FHIT: variants seen among roughly 807,000 people sequenced by gnomAD.
The protein encoded by FHIT is bis(5'-adenosyl)-triphosphatase.
Under a neutral mutation model 17.9 loss-of-function variants are expected in FHIT, and 19 were observed. That is an observed-to-expected ratio of 1.06 (90% CI 0.74 to 1.56). The LOEUF (loss-of-function observed/expected upper bound fraction) is 1.56, where lower values mean the gene tolerates loss of function less well. Among genes scored for constraint, FHIT ranks in the 40% most tolerant of loss-of-function variants. FHIT has a pLI of 0.00. For missense variants in FHIT, 248 were observed against 189.2 expected, an observed-to-expected ratio of 1.31 and a Z score of -1.82; for synonymous variants, 81 against 69.7, an observed-to-expected ratio of 1.16 and a Z score of -0.81.
In FHIT at chr3:61,036,901, G is replaced by GTTTTTT. The variant is rs746649804; in HGVS notation, c.-111+5140_-111+5145dup. Among the ~76,000 whole-genome samples the GTTTTTT allele has an allele frequency of 1.0e-3, 73 of 70,270 alleles. 2 individuals carry two copies. Among genetic ancestry groups the GTTTTTT allele is most frequent in the African/African-American group, 1.9e-3 (61 of 31,286 alleles). 46.1% of individuals were successfully genotyped at this position (70,270 alleles called of 152,430 possible). On this transcript the variant is annotated intron_variant, in intron 3 of 9. Transcript: ENST00000492590. ...TTCACCTCAAAGATCAGTCTGCTTTGTTTTTTTTTTTTGTTTGTTTGTTTT... is the reference window on the plus strand; with the variant it reads ...TTCACCTCAAAGATCAGTCTGCTTTGTTTTTTTTTTTTTTTTTTGTTTGTTTGTTTT...
intron 3 of FHIT, among the ~76,000 whole-genome samples, chr3:60,989,840 G>C (rs1320787513): frequency 6.6e-6 from 1 of 152,166 alleles, no homozygotes; most frequent in Admixed American, 6.5e-5. Context: ...ACAGAAGTTT[G>C]CATCTGTGCA....
intron 4 of FHIT, among the ~76,000 whole-genome samples, chr3:60,792,187 G>C (rs1181091439): frequency 6.6e-6 from 1 of 152,190 alleles, no homozygotes; most frequent in African/African-American, 2.4e-5. Context: ...AAATGATTTA[G>C]ACACCGTTTT....
At chr3:60,412,786 T>C (rs1282634532) in intron 5 of FHIT, among the ~76,000 whole-genome samples, 1 of 152,158 alleles carries the variant, frequency 6.6e-6, no homozygotes, top group Non-Finnish European at 1.5e-5. Context: ...GTAATCCCCA[T>C]GTGTCAAAGG....
At chr3:60,005,326 A>G (rs1699884227) in intron 7 of FHIT, among the ~76,000 whole-genome samples, 1 of 147,722 alleles carries the variant, frequency 6.8e-6, no homozygotes, top group East Asian at 2.0e-4. Context: ...AATGATTTGT[A>G]TCTACTTAGG....
At chr3:61,029,384 T>C (rs1264719771) in intron 3 of FHIT, among the ~76,000 whole-genome samples, 1 of 152,220 alleles carries the variant, frequency 6.6e-6, no homozygotes, top group East Asian at 1.9e-4. Context: ...CTAGGTGATG[T>C]TTATTCTGTA....
intron 7 of FHIT, among the ~76,000 whole-genome samples, chr3:59,982,009 C>T (rs1262516571): frequency 6.6e-6 from 1 of 152,030 alleles, no homozygotes; most frequent in African/African-American, 2.4e-5. Flanking sequence ...GTTGACTTCA[C>T]TTCTTTCTGA....
intron 5 of FHIT, among the ~76,000 whole-genome samples, chr3:60,330,783 C>T (rs754147284): frequency 2.6e-5 from 4 of 152,156 alleles, no homozygotes; most frequent in South Asian, 4.1e-4. Context: ...CTGATTTACA[C>T]GTGTTACAAT....
At chr3:60,363,089 A>G (rs1457161504) in intron 5 of FHIT, among the ~76,000 whole-genome samples, 5 of 152,196 alleles carry the variant, frequency 3.3e-5, no homozygotes, top group African/African-American at 1.2e-4. Context: ...CAGGGAAGAA[A>G]AAGGCAGTAT....
chr3:60,921,456 T>C (rs1707275290), intron 3 of FHIT, among the ~76,000 whole-genome samples: 1 of 152,182 alleles, frequency 6.6e-6, no homozygotes. Flanking sequence ...CGAATGGCAA[T>C]AAAATACTTT....
chr3:60,712,915 C>A (rs1294315225), intron 4 of FHIT, among the ~76,000 whole-genome samples: 2 of 143,938 alleles, frequency 1.4e-5, no homozygotes, highest in African/African-American at 5.1e-5. Context: ...CTCAGCTCTG[C>A]AGCAAGCGGA....
chr3:60,168,010 T>G (rs912163624), intron 5 of FHIT, among the ~76,000 whole-genome samples: 1 of 152,096 alleles, frequency 6.6e-6, no homozygotes, highest in African/African-American at 2.4e-5. Flanking sequence ...GGTAAGAGAG[T>G]GAGACCCTGT....
At chr3:59,983,725 T>C (rs1007274250) in intron 7 of FHIT, among the ~76,000 whole-genome samples, 1 of 152,038 alleles carries the variant, frequency 6.6e-6, no homozygotes. Context: ...CTGTGGAAGG[T>C]GGCCTCAGGA....
At chr3:60,187,475 T>C (rs1035568410) in intron 5 of FHIT, among the ~76,000 whole-genome samples, 2 of 152,118 alleles carry the variant, frequency 1.3e-5, no homozygotes, top group African/African-American at 4.8e-5. Flanking sequence ...GGGTTTCCTG[T>C]GAAACACGCA....
rs539349177 is a variant in FHIT, at chr3:59,855,581, C to G, written c.348+66765G>C. 1.6e-3 allele frequency among the ~76,000 whole-genome samples: 238 copies of G among 152,104 alleles called. 1 individual carries two copies. The highest frequency in any genetic ancestry group is 5.4e-3 in the African/African-American group (225 of 41,492). ...GAAATGCTACATATTAAAATCTGTA[C>G]TTATAATAGAAGATAGCCTCAATGT... On this transcript the variant is annotated intron_variant, in intron 8 of 9. Transcript: ENST00000492590.
intron 4 of FHIT, among the ~76,000 whole-genome samples, chr3:60,560,713 T>A (rs1195210931): frequency 6.6e-6 from 1 of 151,526 alleles, no homozygotes; most frequent in Non-Finnish European, 1.5e-5. Flanking sequence ...GAGGACAGAA[T>A]AGAGCCGGTC....
intron 5 of FHIT, among the ~76,000 whole-genome samples, chr3:60,332,148 A>T (rs1710008826): frequency 6.6e-6 from 1 of 152,224 alleles, no homozygotes; most frequent in Non-Finnish European, 1.5e-5. Flanking sequence ...TGGTATTCAC[A>T]GCTACCCCAG....
chr3:61,116,767 T>C (rs1268433363), intron 2 of FHIT, among the ~76,000 whole-genome samples: 3 of 152,188 alleles, frequency 2.0e-5, no homozygotes, highest in Non-Finnish European at 4.4e-5. Flanking sequence ...TCCTCTCTGC[T>C]ACATATTAGC....
At chr3:60,206,460 G>A (rs76154666) in intron 5 of FHIT, among the ~76,000 whole-genome samples, 13,878 of 151,926 alleles carry the variant, frequency 0.091, 859 homozygotes, top group Non-Finnish European at 0.13. Flanking sequence ...AGCAGGCCAC[G>A]ATTTATTGCC....
At chr3:60,258,065 T>TACACACACACACACAC (rs67553597) in intron 5 of FHIT, among the ~76,000 whole-genome samples, 4 of 144,490 alleles carry the variant, frequency 2.8e-5, no homozygotes, top group East Asian at 2.0e-4. Flanking sequence ...GGAAATTAAA[T>TACACACACACACACAC]ACACACACAC....
Sources: gnomAD v4.1 joint callset for allele counts (sites outside exome capture counted in the v4.1 genomes callset) on GRCh38, gnomAD v4.1.1 for gene constraint, MANE v1.5 for transcripts, NCBI Gene and HGNC (gene_info 2026-07-23, HGNC 2026-07-21) for gene names.